The following PXDNL variants were observed in gnomAD, a reference collection of about 807,000 sequenced individuals.
The protein encoded by PXDNL is probable oxidoreductase PXDNL.
Under a neutral mutation model 150.8 loss-of-function variants are expected in PXDNL, and 145 were observed. That is an observed-to-expected ratio of 0.96 (90% CI 0.84 to 1.10). The LOEUF is 1.10. Among genes scored for constraint, PXDNL ranks in the 50% least tolerant of loss-of-function variants. The pLI is 0.00. For missense variants in PXDNL, 2,087 were observed against 1,873.9 expected (o/e 1.11, Z -2.10); for synonymous variants, 757 against 725.7 (o/e 1.04, Z -0.69).
intron 3 of PXDNL, among the ~76,000 whole-genome samples, chr8:51,585,799 A>T (rs1455373193): frequency 6.6e-6 from 1 of 151,972 alleles, no homozygotes; most frequent in African/African-American, 2.4e-5. Context: ...AACATACCAG[A>T]CTATTTGCTG....
chr8:51,731,982 C>T (rs1260252377), intron 1 of PXDNL, among the ~76,000 whole-genome samples: 1 of 152,196 alleles, frequency 6.6e-6, no homozygotes, highest in Admixed American at 6.5e-5. Flanking sequence ...TCCCCATTGT[C>T]TTGGCAATTA....
chr8:51,792,765 C>G (rs1219230710), intron 1 of PXDNL, among the ~76,000 whole-genome samples: 1 of 152,224 alleles, frequency 6.6e-6, no homozygotes, highest in African/African-American at 2.4e-5. Context: ...GCCCTCCTCA[C>G]TGGGCGGGGC....
intron 2 of PXDNL, among the ~76,000 whole-genome samples, chr8:51,632,025 T>C (rs1479293830): frequency 1.3e-5 from 2 of 152,116 alleles, no homozygotes; most frequent in South Asian, 2.1e-4. Flanking sequence ...TATAAATAGA[T>C]TGAGTTCTCC....
chr8:51,548,044 A>G (rs1249333687), intron 4 of PXDNL, among the ~76,000 whole-genome samples: 2 of 152,014 alleles, frequency 1.3e-5, no homozygotes, highest in African/African-American at 4.8e-5. Context: ...AATACACTGG[A>G]AAGTTTTGAA....
chr8:51,750,306 C>G lies in PXDNL; in HGVS notation c.164+58875G>C, dbSNP rs1167686903. ...CTATCTTCCACCTCCACATCATATCCCACTGGAAGGTCCTCAGGGGCAAAA... is the reference window on the plus strand; with the variant it reads ...CTATCTTCCACCTCCACATCATATCGCACTGGAAGGTCCTCAGGGGCAAAA... On this transcript the variant is annotated intron_variant, in intron 1 of 22. Transcript: ENST00000356297. 2.0e-5 allele frequency among the ~76,000 whole-genome samples: 3 copies of G among 152,082 alleles called. No individual in the cohort carries two copies. The East Asian group carries it at 5.8e-4, about 29-fold the overall frequency.
rs781570739 is a variant in PXDNL, at chr8:51,409,282, C to G, written c.2342G>C (p.Arg781Pro). The change falls in exon 17 of 23, where the codon CGG becomes CCG. Residue 781 changes from arginine (R) to proline (P), a missense_variant. Transcript: ENST00000356297. Reference protein sequence around the residue: ...VGSRQPLPPPRLVATVWARAA... With the variant: ...VGSRQPLPPPPLVATVWARAA... Reference sequence around the variant, plus strand: ...GCGCGCCCACACTGTGGCGACCAGCCGGGGCGGCGGGAGGGGCTGGCGGGA... The same window carrying G: ...GCGCGCCCACACTGTGGCGACCAGCGGGGGCGGCGGGAGGGGCTGGCGGGA... The G allele has an allele frequency of 3.5e-6, 5 of 1,426,150 alleles. No homozygotes were observed. Among genetic ancestry groups the G allele is most frequent in the East Asian group, 2.8e-5 (1 of 35,976 alleles). 88.3% of individuals were successfully genotyped at this position (1,426,150 alleles called of 1,614,324 possible).
Position 51,319,754 on chromosome 8 carries a change from G to T in PXDNL, c.*137C>A. 3.2e-6 allele frequency: 2 copies of T among 626,130 alleles called. No individual in the cohort carries two copies. Among genetic ancestry groups the T allele is most frequent in the Non-Finnish European group, 4.8e-6 (2 of 412,388 alleles). The allele number at this position is 626,130 out of a possible 1,614,324, so 38.8% of individuals were successfully genotyped here. On this transcript the variant is annotated 3_prime_UTR_variant, in exon 23 of 23. Transcript: ENST00000356297. ...AAAAAATAAAAGATCGTAAGTATAT[G>T]TAAGATTAGATGAACTAAGTTGCTT...
Position 51,735,534 on chromosome 8 carries a change from T to TGTG in PXDNL, c.164+73646_164+73647insCAC, listed in dbSNP as rs1563304265. Among the ~76,000 whole-genome samples the TGTG allele has an allele frequency of 1.5e-4, 7 of 46,194 alleles. 1 individual carries two copies. The highest frequency in any genetic ancestry group is 2.4e-4 in the Non-Finnish European group (7 of 29,200). The allele number at this position is 46,194 out of a possible 152,430, so 30.3% of individuals were successfully genotyped here. ...TTAATTAATTAAAAATTGTTTTTTT[T>TGTG]TTTTTTTTTTTTTTTTTTTTTTTTT... On this transcript the variant is annotated intron_variant, in intron 1 of 22. Coordinates refer to ENST00000356297, the MANE Select transcript of PXDNL (RefSeq NM_144651.5).
chr8:51,484,476 C>A (rs1181144753), intron 5 of PXDNL, among the ~76,000 whole-genome samples: 2 of 150,564 alleles, frequency 1.3e-5, no homozygotes, highest in African/African-American at 4.9e-5. Flanking sequence ...ACAACAGATG[C>A]CTACAGATGT....
At chr8:51,435,719 G>A (rs1360305682) in intron 12 of PXDNL, 1 of 325,476 alleles carries the variant, frequency 3.1e-6, no homozygotes, top group African/African-American at 2.3e-5. Context: ...AGAGGAGGTG[G>A]AAGAAGAAGA....
At chr8:51,473,035 C>T (rs1441918919) in intron 7 of PXDNL, among the ~76,000 whole-genome samples, 1 of 152,084 alleles carries the variant, frequency 6.6e-6, no homozygotes, top group East Asian at 1.9e-4. Context: ...ACTATTATGT[C>T]TGTAGAACAT....
chr8:51,808,322 A>G lies in PXDNL; in HGVS notation c.164+859T>C, dbSNP rs576334218. Among the ~76,000 whole-genome samples the G allele has an allele frequency of 2.0e-5, 3 of 152,308 alleles. No homozygotes were observed. In the East Asian group the frequency reaches 5.8e-4, roughly 29 times the overall value. On this transcript the variant is annotated intron_variant, in intron 1 of 22. Coordinates refer to ENST00000356297, the MANE Select transcript of PXDNL (RefSeq NM_144651.5). ...GAAACCTCTTTAGTCTGCATCTTTC[A>G]GCATTTTTCCTTTTCTTCTTTTATT...
chr8:51,323,531 A>G (rs746703724), intron 21 of PXDNL, among the ~76,000 whole-genome samples: 10 of 151,968 alleles, frequency 6.6e-5, no homozygotes, highest in Non-Finnish European at 1.5e-4. Context: ...TCAAGCAATC[A>G]CTCTGTCTTG....
At chr8:51,763,687 C>T (rs1387081881) in intron 1 of PXDNL, among the ~76,000 whole-genome samples, 1 of 151,904 alleles carries the variant, frequency 6.6e-6, no homozygotes, top group Non-Finnish European at 1.5e-5. Flanking sequence ...AAATTTATTC[C>T]TGAATATTTT....
chr8:51,490,565 T>A (rs546243382), intron 5 of PXDNL, among the ~76,000 whole-genome samples: 1 of 151,270 alleles, frequency 6.6e-6, no homozygotes, highest in Non-Finnish European at 1.5e-5. Context: ...TACATACCAA[T>A]GAATGGACGA....
In PXDNL at chr8:51,320,006, C is replaced by A; in HGVS notation, c.4277G>T (p.Cys1426Phe). ...HCICESGQVT[C>F]VVEICPPAPC... ...AGCCGGGGGACAAATCTCCACCACA[C>A]AGGTGACCTGGCCACTCTGAAAGGC... Residue 1426 changes from cysteine to phenylalanine, a missense_variant, in exon 23 of 23, where the codon TGT becomes TTT. By Grantham distance (205) the Cys-to-Phe change is radical. Coordinates refer to ENST00000356297, the MANE Select transcript of PXDNL (RefSeq NM_144651.5). 1 of 1,545,864 alleles carries A rather than the reference C, an allele frequency of 6.5e-7. No individual in the cohort carries two copies. The highest frequency in any genetic ancestry group is 8.7e-7 in the Non-Finnish European group (1 of 1,148,028).
At chr8:51,760,873 T>TTTTTTTTTTTTTTTTTC (rs2037156377) in intron 1 of PXDNL, among the ~76,000 whole-genome samples, 1 of 124,512 alleles carries the variant, frequency 8.0e-6, no homozygotes, top group Non-Finnish European at 1.7e-5. Flanking sequence ...TTTTTTTTTT[T>TTTTTTTTTTTTTTTTTC]TTTGAGACGG....
At chr8:51,332,191 G>A (rs114546879) in intron 21 of PXDNL, among the ~76,000 whole-genome samples, 6,482 of 152,168 alleles carry the variant, frequency 0.043, 287 homozygotes, top group African/African-American at 0.11. Flanking sequence ...CAGGAGCTGT[G>A]TAGACTCGCT....
intron 1 of PXDNL, among the ~76,000 whole-genome samples, chr8:51,781,937 C>A (rs961614998): frequency 6.6e-6 from 1 of 152,212 alleles, no homozygotes; most frequent in African/African-American, 2.4e-5. Context: ...CCCCATCCTC[C>A]TCATGGTGAC....
Sources: allele counts gnomAD v4.1 joint callset (sites outside exome capture counted in the v4.1 genomes callset), GRCh38; gene constraint gnomAD v4.1.1; transcripts MANE v1.5; gene names NCBI Gene and HGNC (gene_info 2026-07-23, HGNC 2026-07-21).